SORCS3: variants seen among roughly 807,000 people sequenced by gnomAD.
SORCS3 encodes VPS10 domain-containing receptor SorCS3.
Under a neutral mutation model 146.3 loss-of-function variants are expected in SORCS3, and 57 were observed. That is an observed-to-expected ratio of 0.39 (90% CI 0.31 to 0.49). The LOEUF (loss-of-function observed/expected upper bound fraction) is 0.49. Among genes scored for constraint, SORCS3 ranks in the 20% least tolerant of loss-of-function variants. The pLI, the probability that SORCS3 is intolerant of heterozygous loss-of-function variation, is 0.92. For missense variants in SORCS3, 1,341 were observed against 1,575.5 expected (o/e 0.85, Z 2.52); for synonymous variants, 653 against 618.5 (o/e 1.06, Z -0.83).
chr10:105,251,837 C>T (rs1347521430), intron 22 of SORCS3, among the ~76,000 whole-genome samples: 1 of 152,140 alleles, frequency 6.6e-6, no homozygotes, highest in Middle Eastern at 3.2e-3. Flanking sequence ...GAAAAATTCA[C>T]TCGTATTCTC....
At chr10:104,713,663 A>C (rs1003200703) in intron 1 of SORCS3, among the ~76,000 whole-genome samples, 3 of 151,964 alleles carry the variant, frequency 2.0e-5, no homozygotes, top group African/African-American at 7.3e-5. Context: ...GCATTATATA[A>C]TTTTTTTTAT....
intron 1 of SORCS3, among the ~76,000 whole-genome samples, chr10:104,675,530 G>A (rs568592699): frequency 3.3e-5 from 5 of 152,058 alleles, no homozygotes; most frequent in East Asian, 3.9e-4. Flanking sequence ...ATTTAGGCTC[G>A]TGATTCTTCC....
chr10:104,701,723 T>C (rs1164398476), intron 1 of SORCS3, among the ~76,000 whole-genome samples: 2 of 152,220 alleles, frequency 1.3e-5, no homozygotes, highest in African/African-American at 2.4e-5. Context: ...GGTGTAGCTG[T>C]CTGGTTCAAG....
intron 3 of SORCS3, among the ~76,000 whole-genome samples, chr10:104,974,875 T>C (rs1336779590): frequency 6.6e-6 from 1 of 152,180 alleles, no homozygotes; most frequent in Non-Finnish European, 1.5e-5. Flanking sequence ...TCAGGAGCTC[T>C]TTTAGGGCAG....
chr10:104,989,662 G>A (rs2054982538), intron 4 of SORCS3, among the ~76,000 whole-genome samples: 1 of 152,194 alleles, frequency 6.6e-6, no homozygotes. Flanking sequence ...ATGCAAGTGG[G>A]ATGGGGGAGG....
At chr10:104,812,554 T>C (rs2017752600) in intron 1 of SORCS3, among the ~76,000 whole-genome samples, 1 of 152,222 alleles carries the variant, frequency 6.6e-6, no homozygotes, top group Admixed American at 6.5e-5. Flanking sequence ...ATAATAACAA[T>C]GCACAATGTT....
chr10:104,889,762 A>G (rs2018729297), intron 2 of SORCS3, among the ~76,000 whole-genome samples: 1 of 152,160 alleles, frequency 6.6e-6, no homozygotes, highest in Non-Finnish European at 1.5e-5. Context: ...ATATTAAGAA[A>G]GAGTTATATT....
chr10:105,247,183 C>G, intron 21 of SORCS3, 36 bp from the exon 22 acceptor site: 1 of 1,278,326 alleles, frequency 7.8e-7, no homozygotes, highest in South Asian at 1.2e-5. Flanking sequence ...TCTTCTCACT[C>G]TCCCAGCCTC....
At chr10:105,167,476 C>A in intron 13 of SORCS3, 127 bp downstream of exon 13, 1 of 668,102 alleles carries the variant, frequency 1.5e-6, no homozygotes, top group Non-Finnish European at 2.6e-6. Flanking sequence ...TTTATCCATC[C>A]ATCCATTTAA....
intron 2 of SORCS3, among the ~76,000 whole-genome samples, chr10:104,875,797 TTGAG>T (rs1215687592): frequency 1.3e-5 from 2 of 152,142 alleles, no homozygotes; most frequent in East Asian, 1.9e-4. Context: ...GCCTGTCTGA[TTGAG>T]TAAGTGCTAG....
Position 105,263,531 on chromosome 10 carries a change from G to A in SORCS3, c.*157G>A. ...CAAATGCCTAGCTTTGGGAGAAAAG[G>A]GCATTCTTAGCTGATTGAAATGAGA... On this transcript the variant is annotated 3_prime_UTR_variant, in exon 27 of 27. Coordinates refer to ENST00000369701, the MANE Select transcript of SORCS3 (RefSeq NM_014978.3). 1 of 660,308 alleles carries A rather than the reference G, an allele frequency of 1.5e-6. No homozygotes were observed. The highest frequency in any genetic ancestry group is 3.8e-4 in the Middle Eastern group (1 of 2,650). The allele number at this position is 660,308 out of a possible 1,614,324, so 40.9% of individuals were successfully genotyped here. A position where few individuals can be genotyped will look rare whatever the true frequency, so the allele number is the denominator to read the frequency against.
intron 19 of SORCS3, 56 bp from the exon 20 acceptor site, chr10:105,223,060 T>C (rs1317788985): frequency 3.3e-6 from 5 of 1,527,748 alleles, no homozygotes; most frequent in Admixed American, 2.0e-5. Context: ...AGGGGTGTGA[T>C]ACAGTTTGAC....
At chr10:105,113,765 A>T (rs1389213596) in intron 7 of SORCS3, among the ~76,000 whole-genome samples, 1 of 152,188 alleles carries the variant, frequency 6.6e-6, no homozygotes, top group Non-Finnish European at 1.5e-5. Flanking sequence ...AAATTTGTTA[A>T]TCTGTCAGTT....
chr10:104,899,799 T>G, intron 2 of SORCS3, among the ~76,000 whole-genome samples: 1 of 152,176 alleles, frequency 6.6e-6, no homozygotes, highest in Non-Finnish European at 1.5e-5. Context: ...AGGCATTTAT[T>G]GAGCTGAATG....
At chr10:104,713,886 G>A (rs1053933508) in intron 1 of SORCS3, among the ~76,000 whole-genome samples, 1 of 152,020 alleles carries the variant, frequency 6.6e-6, no homozygotes. Flanking sequence ...CATCAGGCCT[G>A]GTGATTTCTT....
chr10:104,642,421 C>A (rs1481809204), intron 1 of SORCS3, among the ~76,000 whole-genome samples: 1 of 123,712 alleles, frequency 8.1e-6, no homozygotes, highest in East Asian at 2.4e-4. Context: ...GAAAGGGAAC[C>A]CGGAAGGCCA....
chr10:105,262,519 C>A (rs1402083952), intron 26 of SORCS3, 28 bp downstream of exon 26: 1 of 1,604,178 alleles, frequency 6.2e-7, no homozygotes, highest in South Asian at 1.1e-5. Flanking sequence ...ACTAAGCTCC[C>A]CTGTTCTGTG....
At chr10:105,103,923 A>G (rs1036697659) in intron 6 of SORCS3, among the ~76,000 whole-genome samples, 3 of 152,228 alleles carry the variant, frequency 2.0e-5, no homozygotes, top group Non-Finnish European at 4.4e-5. Flanking sequence ...AGGTTCTTTT[A>G]GAAAGGAAAA....
chr10:104,661,475 A>G (rs914567163), intron 1 of SORCS3, among the ~76,000 whole-genome samples: 4 of 152,148 alleles, frequency 2.6e-5, no homozygotes, highest in Admixed American at 2.6e-4. Flanking sequence ...TGGGCATCCT[A>G]GCAATCAGTG....
Sources: gnomAD v4.1 joint callset for allele counts (sites outside exome capture counted in the v4.1 genomes callset) on GRCh38, gnomAD v4.1.1 for gene constraint, MANE v1.5 for transcripts, NCBI Gene and HGNC (gene_info 2026-07-23, HGNC 2026-07-21) for gene names.